UROS: variants seen among roughly 807,000 people sequenced by gnomAD.
UROS encodes the protein uroporphyrinogen III synthase, also known as uroporphyrinogen-III synthase.
UROS carries 18 observed loss-of-function variants against 33.0 expected under a neutral mutation model. That is an observed-to-expected ratio of 0.55 (90% CI 0.38 to 0.81). The LOEUF (loss-of-function observed/expected upper bound fraction) is 0.81, where lower values mean the gene tolerates loss of function less well. UROS is among the 30% of genes least tolerant of loss of function. The pLI is 0.00. For synonymous variants in UROS, 114 were observed against 121.1 expected (o/e 0.94, Z 0.38); for missense variants, 293 against 314.9 (o/e 0.93, Z 0.53).
chr10:125,799,647 C>A (rs540024875), intron 6 of UROS, among the ~76,000 whole-genome samples: 1 of 152,174 alleles, frequency 6.6e-6, no homozygotes, highest in Non-Finnish European at 1.5e-5. Context: ...TCCCTGAGGG[C>A]AGCTGCTTGT....
rs144830566 is a variant in UROS, at chr10:125,813,520, C to A, written c.245-1232G>T. ...CACTGGGAAAGAGTACACATGCTTC[C>A]CCATCTAGCGTATAATGGCACAATC... On this transcript the variant is annotated intron_variant, in intron 4 of 9. Transcript: ENST00000368797. Among the ~76,000 whole-genome samples the A allele has an allele frequency of 3.6e-3, 545 of 152,280 alleles. 2 individuals are homozygous for A. The highest frequency in any genetic ancestry group is 0.01 in the Middle Eastern group (3 of 294).
intron 7 of UROS, chr10:125,796,880 A>T (rs1851414977): frequency 3.0e-6 from 3 of 984,866 alleles, no homozygotes; most frequent in Non-Finnish European, 3.6e-6. Context: ...AAAATGGGAA[A>T]CTCTCTCAGA....
intron 3 of UROS, 26 bp from the exon 4 acceptor site, chr10:125,815,156 A>G: frequency 6.2e-7 from 1 of 1,611,160 alleles, no homozygotes; most frequent in Non-Finnish European, 8.5e-7. Context: ...CAATAAAGAC[A>G]TTTTATACGA....
downstream of UROS, among the ~76,000 whole-genome samples, chr10:125,786,698 AC>A (rs1381656742): frequency 3.9e-5 from 6 of 152,190 alleles, no homozygotes; most frequent in Non-Finnish European, 8.8e-5. Context: ...CCATCTAGCC[AC>A]TGAGCCATAG....
rs12261626 is a variant in UROS, at chr10:125,796,767, C to T, written c.476-579G>A. On this transcript the variant is annotated intron_variant, in intron 7 of 9. Coordinates refer to ENST00000368797, the MANE Select transcript of UROS (RefSeq NM_000375.3). ...GGGGTTTTCAGGGCTGGTGATGAGGCGCTAGGCACTGAAGGGACTCACGCA... is the reference window on the plus strand; with the variant it reads ...GGGGTTTTCAGGGCTGGTGATGAGGTGCTAGGCACTGAAGGGACTCACGCA... 4,211 of 984,476 alleles carry T rather than the reference C, an allele frequency of 4.3e-3. 147 individuals carry two copies. The African/African-American group carries it at 0.067, about 16-fold the overall frequency. The allele number at this position is 984,476 out of a possible 1,614,324, so 61.0% of individuals were successfully genotyped here.
At chr10:125,808,615 C>A (rs1361926313) in intron 5 of UROS, among the ~76,000 whole-genome samples, 1 of 152,202 alleles carries the variant, frequency 6.6e-6, no homozygotes, top group Non-Finnish European at 1.5e-5. Context: ...AGTAATGAAA[C>A]AATAATAACC....
At chr10:125,812,107 A>C in intron 5 of UROS, 107 bp downstream of exon 5, 1 of 1,136,528 alleles carries the variant, frequency 8.8e-7, no homozygotes, top group South Asian at 1.3e-5. Context: ...TAATTTTTGC[A>C]AATTTAATAA....
At position 125,788,780 on chromosome 10, in the gene UROS, G is replaced by C; in HGVS notation, c.*88C>G. 6.7e-7 allele frequency: 1 copy of C among 1,492,696 alleles called. No homozygotes were observed. Among genetic ancestry groups the C allele is most frequent in the Non-Finnish European group, 8.9e-7 (1 of 1,119,586 alleles). 92.5% of individuals were successfully genotyped at this position (1,492,696 alleles called of 1,614,324 possible). ...TTGAGGCAGGAGTCTGACGGCAGCAGCTCCCGAGAGCCCTTGCCGATGCCT... is the reference window on the plus strand; with the variant it reads ...TTGAGGCAGGAGTCTGACGGCAGCACCTCCCGAGAGCCCTTGCCGATGCCT... On this transcript the variant is annotated 3_prime_UTR_variant, in exon 10 of 10. Transcript: ENST00000368797.
At chr10:125,810,966 A>G (rs529881334) in intron 5 of UROS, among the ~76,000 whole-genome samples, 1 of 152,322 alleles carries the variant, frequency 6.6e-6, no homozygotes, top group South Asian at 2.1e-4. Context: ...AACTGAATAA[A>G]CAGGGACCAG....
chr10:125,791,475 A>G (rs1039335670), intron 9 of UROS: 1 of 152,224 alleles, frequency 6.6e-6, no homozygotes, highest in Non-Finnish European at 1.5e-5. Flanking sequence ...ATCTACTCCT[A>G]GATATACACC....
At chr10:125,807,243 T>C (rs1481761374) in intron 6 of UROS, 170 bp downstream of exon 6, 2 of 666,360 alleles carry the variant, frequency 3.0e-6, no homozygotes, top group Non-Finnish European at 2.7e-6. Flanking sequence ...TCACAAAGTA[T>C]AGACATACAC....
intron 1 of UROS, among the ~76,000 whole-genome samples, chr10:125,820,031 T>A (rs2133972658): frequency 6.6e-6 from 1 of 152,166 alleles, no homozygotes; most frequent in South Asian, 2.1e-4. Context: ...GAACCAAACC[T>A]CAAACCCGTA....
At chr10:125,808,875 C>G (rs1482223675) in intron 5 of UROS, among the ~76,000 whole-genome samples, 1 of 152,232 alleles carries the variant, frequency 6.6e-6, no homozygotes, top group Non-Finnish European at 1.5e-5. Flanking sequence ...GTCTCAGTCC[C>G]TGCATGTGGC....
At chr10:125,800,009 G>A (rs755947745) in intron 6 of UROS, among the ~76,000 whole-genome samples, 27 of 152,276 alleles carry the variant, frequency 1.8e-4, no homozygotes, top group East Asian at 7.7e-4. Context: ...CTCTCCGTTC[G>A]TTTAACAGGA....
chr10:125,814,346 G>A (rs992349445), intron 4 of UROS, among the ~76,000 whole-genome samples: 3 of 152,200 alleles, frequency 2.0e-5, no homozygotes, highest in East Asian at 1.9e-4. Flanking sequence ...TGGGTGGCCC[G>A]AGTGTGAGGC....
chr10:125,802,639 A>C (rs1030432162), intron 6 of UROS: 1 of 1,105,694 alleles, frequency 9.0e-7, no homozygotes, highest in Non-Finnish European at 1.1e-6. Context: ...TTTCTACCAC[A>C]GATTACAGTC....
chr10:125,798,288 T>A, intron 6 of UROS, 143 bp from the exon 7 acceptor site: 2 of 812,386 alleles, frequency 2.5e-6, no homozygotes, highest in Non-Finnish European at 2.1e-6. Flanking sequence ...TCAGCATCTG[T>A]AAACAGGAAG....
intron 6 of UROS, among the ~76,000 whole-genome samples, chr10:125,803,857 G>A (rs377358279): frequency 5.3e-4 from 81 of 152,344 alleles, no homozygotes; most frequent in African/African-American, 1.9e-3. Context: ...GGAGGGCTTG[G>A]CCATGGCTAC....
intron 6 of UROS, chr10:125,802,445 A>T (rs974351363): frequency 1.0e-6 from 1 of 986,548 alleles, no homozygotes; most frequent in African/African-American, 1.7e-5. Context: ...TTCCACAGAA[A>T]GCAACACGTT....
Sources: gnomAD v4.1 joint callset for allele counts (sites outside exome capture counted in the v4.1 genomes callset) on GRCh38, gnomAD v4.1.1 for gene constraint, MANE v1.5 for transcripts, NCBI Gene and HGNC (gene_info 2026-07-23, HGNC 2026-07-21) for gene names.